The following ADAMTS13 variants were observed in gnomAD, a reference collection of about 807,000 sequenced individuals.
The protein encoded by ADAMTS13 is A disintegrin and metalloproteinase with thrombospondin motifs 13.
In ADAMTS13, 110 loss-of-function variants were observed where a neutral mutation model predicts 155.1. That is an observed-to-expected ratio of 0.71 (90% CI 0.61 to 0.83). ADAMTS13 has a LOEUF of 0.83. Ranked by LOEUF, ADAMTS13 falls within the 40% of genes least tolerant of loss-of-function variation. The pLI is 0.00. For synonymous variants in ADAMTS13, 758 were observed against 756.4 expected, an observed-to-expected ratio of 1.00 and a Z score of -0.03; for missense variants, 1,707 against 1,891.7, an observed-to-expected ratio of 0.90 and a Z score of 1.81.
At chr9:133,422,618 G>A (rs782010917) in intron 1 of ADAMTS13, 70 bp downstream of exon 1, 39 of 1,503,924 alleles carry the variant, frequency 2.6e-5, no homozygotes, top group Middle Eastern at 1.7e-4. Flanking sequence ...TACCTGGGGC[G>A]AGGGGAGTGC....
At chr9:133,434,791 A>G (rs587773446) in intron 11 of ADAMTS13, among the ~76,000 whole-genome samples, 1 of 151,916 alleles carries the variant, frequency 6.6e-6, no homozygotes, top group African/African-American at 2.4e-5. Context: ...GTCACTCCCC[A>G]TTTCTCCTCC....
intron 11 of ADAMTS13, among the ~76,000 whole-genome samples, chr9:133,434,929 A>G (rs1308900018): frequency 6.6e-6 from 1 of 152,114 alleles, no homozygotes; most frequent in African/African-American, 2.4e-5. Context: ...CACGTCCCCA[A>G]GGCTCACCTG....
At chr9:133,453,000 C>A (rs1842525270) in intron 23 of ADAMTS13, among the ~76,000 whole-genome samples, 1 of 152,198 alleles carries the variant, frequency 6.6e-6, no homozygotes, top group Non-Finnish European at 1.5e-5. Flanking sequence ...CAGTGCCCTC[C>A]CTGAGCGTCG....
chr9:133,422,430 T>C lies in ADAMTS13; in HGVS notation c.-14T>C. 1 of 1,612,044 alleles carries C rather than the reference T, an allele frequency of 6.2e-7. No homozygotes were observed. ...TCTCACTCCGCTCCACTCCTCGGGCTGGCTCTCCTGAGGATGCACCAGCGT... is the reference window on the plus strand; with the variant it reads ...TCTCACTCCGCTCCACTCCTCGGGCCGGCTCTCCTGAGGATGCACCAGCGT... On this transcript the variant is annotated 5_prime_UTR_variant, in exon 1 of 29. Coordinates refer to ENST00000355699, the MANE Select transcript of ADAMTS13 (RefSeq NM_139027.6).
chr9:133,422,290 G>A (rs887943869), upstream of ADAMTS13: 4 of 735,382 alleles, frequency 5.4e-6, no homozygotes, highest in African/African-American at 1.7e-5. Flanking sequence ...CCCTAGCCAC[G>A]GCCCCTGCCC....
Position 133,440,387 on chromosome 9 carries a change from C to A in ADAMTS13, c.1830C>A (p.Ser610Arg), listed in dbSNP as rs36221217. 1.9e-6 allele frequency: 3 copies of A among 1,613,954 alleles called. No homozygotes were observed. Among genetic ancestry groups the A allele is most frequent in the Non-Finnish European group, 2.5e-6 (3 of 1,180,032 alleles). Residue 610 changes from serine to arginine, a missense_variant, in exon 16 of 29, where the codon AGC (serine) becomes AGA (arginine). Ser to Arg is a moderately radical substitution (Grantham distance 110, BLOSUM62 -1). Around this residue, in one of 3 missense-constraint regions of ADAMTS13, gnomAD observed 961 missense variants for 1,107.9 expected, o/e 0.87. Coordinates refer to ENST00000355699, the MANE Select transcript of ADAMTS13 (RefSeq NM_139027.6). This position sits in a 1 kb window ranked among gnomAD's most constrained non-coding sequence, Gnocchi z 4.3. ...GGRYVVAGKM[S>R]ISPNTTYPSL... The stretch of plus-strand genomic sequence containing the variant: ...GCTATGTCGTGGCTGGGAAGATGAG[C>A]ATCTCCCCTAACACCACCTACCCCT...
exon 1 of ADAMTS13, chr9:133,414,401 T>G: frequency 3.0e-6 from 2 of 663,520 alleles, no homozygotes; most frequent in Non-Finnish European, 5.5e-6. Flanking sequence ...TGGGTCTTTC[T>G]GGCTTCAGCA....
chr9:133,425,607 C>T lies in ADAMTS13; in HGVS notation c.409C>T (p.Pro137Ser), dbSNP rs782464030. 3 of 1,613,426 alleles carry T rather than the reference C, an allele frequency of 1.9e-6. No homozygotes were observed. In the Admixed American group the frequency reaches 5.0e-5, roughly 27 times the overall value. Residue 137 changes from proline (P) to serine (S), a missense_variant, in exon 4 of 29, where the codon CCT becomes TCT. Physicochemically the swap from Pro to Ser is moderately conservative, Grantham distance 74. Transcript: ENST00000355699. This position sits in a 1 kb window ranked among gnomAD's most constrained non-coding sequence, Gnocchi z 4.6. ...GGTGAAGATGGTCATTCTGACAGAG[C>T]CTGAGGTAGGCATGGAGCTGGAACT... Reference protein sequence around the residue: ...HLVKMVILTEPEGAPNITANL... With the variant: ...HLVKMVILTESEGAPNITANL...
At chr9:133,438,438 G>A (rs1588174957) in intron 14 of ADAMTS13, 72 bp downstream of exon 14, 2 of 1,597,996 alleles carry the variant, frequency 1.3e-6, no homozygotes, top group Non-Finnish European at 1.7e-6. Context: ...CAGAGCGTTG[G>A]TGCAGGGGCT....
At chr9:133,422,569 G>T (rs199670942) in intron 1 of ADAMTS13, 21 bp downstream of exon 1, 27 of 1,612,526 alleles carry the variant, frequency 1.7e-5, no homozygotes, top group Non-Finnish European at 2.3e-5. Flanking sequence ...TTGCAGGAGC[G>T]GGGGTATTCT....
chr9:133,448,137 G>A (rs907239260), intron 21 of ADAMTS13, among the ~76,000 whole-genome samples: 4 of 151,854 alleles, frequency 2.6e-5, no homozygotes, highest in Admixed American at 6.6e-5. Context: ...TTACAGGTGC[G>A]CACCACCACG....
In ADAMTS13 at chr9:133,433,389, G is replaced by C. The variant is rs374597782; in HGVS notation, c.1104G>C (p.Lys368Asn). The change falls in exon 10 of 29, where the codon AAG becomes AAC. Residue 368 changes from lysine (K) to asparagine (N), a missense_variant. This residue lies in a region of ADAMTS13 where 733 missense variants were observed against 749.6 expected (regional missense o/e 0.98). Transcript: ENST00000355699. ...TECGVEKWCS[K>N]GRCRSLVELT... is the part of the protein sequence containing the mutation. Reference sequence around the variant, plus strand: ...TCCTTGCCTTGCAGTGGTGCTCCAAGGGTCGCTGCCGCTCCCTGGTGGAGC... The same window carrying C: ...TCCTTGCCTTGCAGTGGTGCTCCAACGGTCGCTGCCGCTCCCTGGTGGAGC... The C allele has an allele frequency of 1.6e-5, 25 of 1,612,764 alleles. No homozygotes were observed. The African/African-American group carries it at 2.9e-4, about 19-fold the overall frequency.
intron 23 of ADAMTS13, among the ~76,000 whole-genome samples, chr9:133,452,486 A>G (rs188221991): frequency 1.1e-4 from 17 of 152,272 alleles, no homozygotes; most frequent in African/African-American, 3.9e-4. Context: ...TGCCTATGCT[A>G]AAGTCCCTTG....
At position 133,428,734 on chromosome 9, in the gene ADAMTS13, T is replaced by G; in HGVS notation, c.787T>G (p.Ser263Ala). ...GAAPRAGLAW[S>A]PCSRRQLLSL... ...CGCGCCCCGCGCCGGCCTCGCCTGG[T>G]CCCCCTGCAGCCGCCGGCAGCTGCT... The change falls in exon 7 of 29, where the codon TCC becomes GCC. Residue 263 changes from serine to alanine, a missense_variant. Ser to Ala is a moderately conservative substitution (Grantham distance 99). Transcript: ENST00000355699. The G allele has an allele frequency of 1.5e-6, 2 of 1,358,742 alleles. No individual in the cohort carries two copies. The highest frequency in any genetic ancestry group is 9.5e-7 in the Non-Finnish European group (1 of 1,052,684). 84.2% of individuals were successfully genotyped at this position (1,358,742 alleles called of 1,614,324 possible). A position where few individuals can be genotyped will look rare whatever the true frequency, so the allele number is the denominator to read the frequency against.
chr9:133,432,335 A>G (rs1481708621), intron 8 of ADAMTS13, among the ~76,000 whole-genome samples: 8 of 152,234 alleles, frequency 5.3e-5, no homozygotes, highest in Admixed American at 5.2e-4. Context: ...CAAGTTAAGA[A>G]GGAAAAAAAG....
chr9:133,430,463 AAACTG>A (rs1840667831), intron 8 of ADAMTS13, among the ~76,000 whole-genome samples: 1 of 152,102 alleles, frequency 6.6e-6, no homozygotes, highest in African/African-American at 2.4e-5. Flanking sequence ...AGTGGCCTCT[AAACTG>A]AACCCACAGC....
rs372637811 is a variant in ADAMTS13, at chr9:133,426,043, C to T, written c.520C>T (p.Leu174=). The T allele has an allele frequency of 3.1e-6, 5 of 1,613,936 alleles. No homozygotes were observed. The highest frequency in any genetic ancestry group is 4.2e-6 in the Non-Finnish European group (5 of 1,180,048). ...CGACACGGATCCTGGCCATGCTGAC[C>T]TGGTCCTCTATATCACTAGGTAGCC... ...EDDTDPGHAD[L]VLYITRFDLE... is the part of the protein sequence containing the mutation. The change falls in exon 5 of 29, where the codon CTG becomes TTG. Residue 174 remains leucine (L), a synonymous_variant. Transcript: ENST00000355699.
chr9:133,448,475 A>G, intron 21 of ADAMTS13, 124 bp from the exon 22 acceptor site: 1 of 1,280,250 alleles, frequency 7.8e-7, no homozygotes, highest in Non-Finnish European at 1.1e-6. Context: ...CACAGCTGGT[A>G]AGTGGCAGAG....
rs782007879 is a variant in ADAMTS13, at chr9:133,455,489, G to T, written c.3400+54G>T. ...AGCCGCTGCTCCAGGACGGACCACAGCCACCCCTGCTGGTGCCTCCCTGGA... is the reference window on the plus strand; with the variant it reads ...AGCCGCTGCTCCAGGACGGACCACATCCACCCCTGCTGGTGCCTCCCTGGA... On this transcript the variant is annotated intron_variant, in intron 25 of 28. Transcript: ENST00000355699. 2.5e-6 allele frequency: 4 copies of T among 1,612,180 alleles called. No individual in the cohort carries two copies. In the African/African-American group the frequency reaches 5.3e-5, roughly 22 times the overall value.
Sources: gnomAD v4.1 joint callset for allele counts (sites outside exome capture counted in the v4.1 genomes callset) on GRCh38, gnomAD v4.1.1 for gene constraint, gnomAD v4.1.1 regional missense constraint, Gnocchi (gnomAD v3.1) non-coding constraint, MANE v1.5 for transcripts, NCBI Gene and HGNC (gene_info 2026-07-23, HGNC 2026-07-21) for gene names.